Variants in AGMO observed in about 807,000 individuals in gnomAD.
AGMO encodes the protein glyceryl-ether monooxygenase.
In AGMO, 75 loss-of-function variants were observed where a neutral mutation model predicts 60.2. The ratio of observed to expected loss-of-function variants is 1.25; its 90% confidence interval spans 1.03 to 1.51. The LOEUF is 1.51. Ranked by LOEUF, AGMO falls within the 40% of genes most tolerant of loss-of-function variation. AGMO has a pLI of 0.00. For synonymous variants in AGMO, 261 were observed against 177.1 expected (o/e 1.47, Z -3.76); for missense variants, 763 against 525.5 (o/e 1.45, Z -4.42).
chr7:15,293,250 A>G (rs563762788), intron 12 of AGMO, among the ~76,000 whole-genome samples: 38 of 152,202 alleles, frequency 2.5e-4, no homozygotes, highest in African/African-American at 9.1e-4. Context: ...TCATTAGTAA[A>G]CGTCACTGAG....
At chr7:15,179,819 T>C in the AGMO span, among the ~76,000 whole-genome samples, 1 of 152,160 alleles carries the variant, frequency 6.6e-6, no homozygotes, top group Non-Finnish European at 1.5e-5. Flanking sequence ...TTCTGTAAGC[T>C]TGCAGAATTA....
chr7:15,211,954 G>A (rs1204471602), intron 12 of AGMO, among the ~76,000 whole-genome samples: 2 of 151,858 alleles, frequency 1.3e-5, no homozygotes, highest in Non-Finnish European at 2.9e-5. Context: ...TACATTTTTG[G>A]ACTAGCGAAT....
intron 3 of AGMO, among the ~76,000 whole-genome samples, chr7:15,499,944 TA>T (rs374974843): frequency 7.3e-6 from 1 of 136,558 alleles, no homozygotes; most frequent in Non-Finnish European, 1.6e-5. Flanking sequence ...TATATATATA[TA>T]ATATATATAT....
rs530995390 is a variant in AGMO, at chr7:15,304,057, C to A, written c.1263+61457G>T. On this transcript the variant is annotated intron_variant, in intron 12 of 12. Coordinates refer to ENST00000342526, the MANE Select transcript of AGMO (RefSeq NM_001004320.2). The stretch of plus-strand genomic sequence containing the variant: ...ACTTGTGTTAGTTCAATTTTCAGTC[C>A]TTTTACATATAACAATGCCACGTCA... Among the ~76,000 whole-genome samples the A allele has an allele frequency of 1.1e-3, 166 of 152,156 alleles. 1 individual carries two copies. In the South Asian group the frequency reaches 0.019, roughly 18 times the overall value.
At chr7:15,332,840 C>G (rs1781539599) in intron 12 of AGMO, among the ~76,000 whole-genome samples, 1 of 151,862 alleles carries the variant, frequency 6.6e-6, no homozygotes, top group African/African-American at 2.4e-5. Flanking sequence ...TATTTAAAAT[C>G]CTACATTTTC....
chr7:15,537,764 C>T (rs1441670728), intron 3 of AGMO, among the ~76,000 whole-genome samples: 1 of 152,008 alleles, frequency 6.6e-6, no homozygotes, highest in East Asian at 1.9e-4. Flanking sequence ...ACATTATCTA[C>T]ATATGGAATC....
chr7:15,297,872 A>C (rs1784448938), intron 12 of AGMO, among the ~76,000 whole-genome samples: 1 of 152,184 alleles, frequency 6.6e-6, no homozygotes, highest in Admixed American at 6.5e-5. Flanking sequence ...GAACTAACAT[A>C]AAATCCAAAT....
intron 12 of AGMO, among the ~76,000 whole-genome samples, chr7:15,349,521 T>C (rs1782156613): frequency 6.6e-6 from 1 of 152,144 alleles, no homozygotes; most frequent in Non-Finnish European, 1.5e-5. Flanking sequence ...AAACACCATA[T>C]ACCAAAAAAT....
intron 3 of AGMO, among the ~76,000 whole-genome samples, chr7:15,526,567 A>T (rs1784134160): frequency 1.3e-5 from 2 of 152,204 alleles, no homozygotes; most frequent in Admixed American, 1.3e-4. Flanking sequence ...ACCGTAATCC[A>T]GCTGCCTTGG....
intron 12 of AGMO, among the ~76,000 whole-genome samples, chr7:15,296,581 G>T (rs1784414588): frequency 6.6e-6 from 1 of 152,056 alleles, no homozygotes; most frequent in South Asian, 2.1e-4. Flanking sequence ...TTACATCATG[G>T]TTTTTATCCT....
the AGMO span, among the ~76,000 whole-genome samples, chr7:15,149,674 G>T: frequency 1.3e-5 from 2 of 152,036 alleles, no homozygotes; most frequent in Non-Finnish European, 2.9e-5. Context: ...TGGTCTATGT[G>T]TCTGTTTTTG....
chr7:15,198,259 G>GACAGAC (rs1295053333), downstream of AGMO, among the ~76,000 whole-genome samples: 1 of 99,322 alleles, frequency 1.0e-5, no homozygotes, highest in African/African-American at 4.6e-5. Flanking sequence ...GAGAGAGACA[G>GACAGAC]AGACAGAGAG....
At chr7:15,164,085 A>G in the AGMO span, among the ~76,000 whole-genome samples, 25 of 152,300 alleles carry the variant, frequency 1.6e-4, no homozygotes, top group East Asian at 2.9e-3. Context: ...GAACCCAGAA[A>G]TAAAACCACA....
At chr7:15,172,936 A>G in the AGMO span, among the ~76,000 whole-genome samples, 1 of 152,290 alleles carries the variant, frequency 6.6e-6, no homozygotes, top group East Asian at 1.9e-4. Context: ...ATAGGCACAA[A>G]TAACTTAGTT....
In AGMO at chr7:15,365,531, A is replaced by G. The variant is rs1440893153; in HGVS notation, c.1246T>C (p.Leu416=). The G allele has an allele frequency of 2.5e-6, 4 of 1,612,278 alleles. No homozygotes were observed. The highest frequency in any genetic ancestry group is 2.7e-5 in the African/African-American group (2 of 74,836). ...TGTCTTACCTCAAAAGCAGATGACA[A>G]TGAAGGGACAAGAGGCTTCAGGTGA... The part of the protein sequence containing the change: ...FGHLKPLVPS[L]SSAFEIVFSI... Residue 416 remains leucine (L), a synonymous_variant, in exon 12 of 13, where the codon TTG becomes CTG. Transcript: ENST00000342526.
At chr7:15,514,589 T>G (rs1783761153) in intron 3 of AGMO, among the ~76,000 whole-genome samples, 1 of 152,172 alleles carries the variant, frequency 6.6e-6, no homozygotes, top group Non-Finnish European at 1.5e-5. Context: ...GAAGGGCATT[T>G]AAAAACTTGG....
chr7:15,393,494 ATTTCTATTT>A (rs1784234213), intron 6 of AGMO, among the ~76,000 whole-genome samples: 1 of 152,134 alleles, frequency 6.6e-6, no homozygotes, highest in Non-Finnish European at 1.5e-5. Context: ...CATTTGAATT[ATTTCTATTT>A]TTTCTATCAC....
chr7:15,163,562 C>T, the AGMO span, among the ~76,000 whole-genome samples: 1,068 of 152,068 alleles, frequency 7.0e-3, 15 homozygotes, highest in African/African-American at 0.024. Context: ...GCTTTTTCTG[C>T]GTTTATTGAA....
the AGMO span, among the ~76,000 whole-genome samples, chr7:15,187,414 C>T: frequency 2.5e-4 from 38 of 152,302 alleles, no homozygotes; most frequent in African/African-American, 8.2e-4. Flanking sequence ...CCTCTCCAGC[C>T]TCTCTGTAGA....
Sources: gnomAD v4.1 joint callset for allele counts (sites outside exome capture counted in the v4.1 genomes callset) on GRCh38, gnomAD v4.1.1 for gene constraint, MANE v1.5 for transcripts, NCBI Gene and HGNC (gene_info 2026-07-23, HGNC 2026-07-21) for gene names.